Variants in PLD5 observed in about 807,000 individuals in gnomAD.
PLD5 encodes the protein inactive phospholipase D5.
Under a neutral mutation model 61.1 loss-of-function variants are expected in PLD5, and 36 were observed. The ratio of observed to expected loss-of-function variants is 0.59; its 90% CI spans 0.45 to 0.78. The LOEUF is 0.78. Ranked by LOEUF, PLD5 falls within the 30% of genes least tolerant of loss-of-function variation. The pLI, the probability that PLD5 is intolerant of heterozygous loss-of-function variation, is 0.00. For synonymous variants in PLD5, 243 were observed against 242.8 expected (o/e 1.00, Z -0.01); for missense variants, 515 against 644.4 (o/e 0.80, Z 2.17).
chr1:242,255,794 T>C (rs1672980186), intron 4 of PLD5, among the ~76,000 whole-genome samples: 1 of 152,164 alleles, frequency 6.6e-6, no homozygotes, highest in Non-Finnish European at 1.5e-5. Flanking sequence ...AGCAGCTCCC[T>C]GTCCTTTTTA....
In PLD5 at chr1:242,142,910, G is replaced by A. The variant is rs190530815; in HGVS notation, c.736-18245C>T. Among the ~76,000 whole-genome samples, 457 of 151,364 alleles carry A rather than the reference G, an allele frequency of 3.0e-3. 2 individuals are homozygous for A. Among genetic ancestry groups the A allele is most frequent in the African/African-American group, 0.011 (439 of 41,182 alleles). Reference sequence around the variant, plus strand: ...TTGGCTGATTTTTAGTAGAGATGGGGTTTCACCATGTTGGCCAGGCTGCTC... The same window carrying A: ...TTGGCTGATTTTTAGTAGAGATGGGATTTCACCATGTTGGCCAGGCTGCTC... On this transcript the variant is annotated intron_variant, in intron 5 of 9. Coordinates refer to ENST00000536534, the MANE Select transcript of PLD5 (RefSeq NM_001372062.1).
intron 1 of PLD5, among the ~76,000 whole-genome samples, chr1:242,460,930 AG>A (rs1667098394): frequency 1.3e-5 from 2 of 151,976 alleles, no homozygotes; most frequent in African/African-American, 4.8e-5. Flanking sequence ...ACCTGAGGTC[AG>A]GAGTTCCAGA....
chr1:242,307,059 T>C (rs905464208), intron 2 of PLD5, among the ~76,000 whole-genome samples: 4 of 152,226 alleles, frequency 2.6e-5, no homozygotes, highest in African/African-American at 9.6e-5. Context: ...GTGAGAGATT[T>C]GAAAAGTCAC....
At chr1:242,307,857 T>C (rs1333869328) in intron 2 of PLD5, among the ~76,000 whole-genome samples, 4 of 152,134 alleles carry the variant, frequency 2.6e-5, no homozygotes, top group African/African-American at 9.7e-5. Flanking sequence ...CCACATTAAG[T>C]CACCAAATCT....
At chr1:242,389,817 G>A (rs1367947039) in intron 1 of PLD5, among the ~76,000 whole-genome samples, 2 of 152,012 alleles carry the variant, frequency 1.3e-5, no homozygotes, top group Non-Finnish European at 2.9e-5. Context: ...CAAGGAGTCA[G>A]CAAGCATGGA....
At chr1:242,209,302 C>T (rs911570712) in intron 5 of PLD5, 1 of 152,172 alleles carries the variant, frequency 6.6e-6, no homozygotes, top group African/African-American at 2.4e-5. Flanking sequence ...GGACTCCCTG[C>T]AGCCAGGAAT....
intron 8 of PLD5, among the ~76,000 whole-genome samples, chr1:242,103,259 C>T (rs916452678): frequency 8.5e-5 from 13 of 152,172 alleles, no homozygotes; most frequent in African/African-American, 3.1e-4. Flanking sequence ...CACCCTTCCC[C>T]AGCGCACACC....
At chr1:242,374,779 T>C (rs762483000) in intron 1 of PLD5, among the ~76,000 whole-genome samples, 1 of 152,214 alleles carries the variant, frequency 6.6e-6, no homozygotes, top group Non-Finnish European at 1.5e-5. Context: ...TTTTGTCTAA[T>C]TATATTTCTA....
intron 2 of PLD5, among the ~76,000 whole-genome samples, chr1:242,319,673 G>T (rs955606122): frequency 6.6e-6 from 1 of 152,156 alleles, no homozygotes; most frequent in African/African-American, 2.4e-5. Flanking sequence ...TAAATTCATC[G>T]TTAATCTTCT....
At chr1:242,283,051 G>T (rs1464082241) in intron 3 of PLD5, among the ~76,000 whole-genome samples, 1 of 152,166 alleles carries the variant, frequency 6.6e-6, no homozygotes, top group Non-Finnish European at 1.5e-5. Context: ...GTTTTTCAGG[G>T]TGGAAACCCA....
chr1:242,488,180 C>A (rs1468109882), intron 1 of PLD5, among the ~76,000 whole-genome samples: 1 of 152,114 alleles, frequency 6.6e-6, no homozygotes, highest in Non-Finnish European at 1.5e-5. Flanking sequence ...TGAAACTGAA[C>A]ATTCTATTAA....
At chr1:242,440,418 C>T (rs1330046059) in intron 1 of PLD5, among the ~76,000 whole-genome samples, 1 of 151,966 alleles carries the variant, frequency 6.6e-6, no homozygotes, top group African/African-American at 2.4e-5. Context: ...TACACCCCAC[C>T]TAAGTGTAGT....
intron 1 of PLD5, among the ~76,000 whole-genome samples, chr1:242,400,556 G>T (rs1257319988): frequency 1.3e-5 from 2 of 152,084 alleles, no homozygotes; most frequent in Admixed American, 1.3e-4. Flanking sequence ...TATATACCAA[G>T]TCTATTTTGT....
At chr1:242,144,096 T>C (rs1664372735) in intron 5 of PLD5, among the ~76,000 whole-genome samples, 1 of 152,134 alleles carries the variant, frequency 6.6e-6, no homozygotes, top group Non-Finnish European at 1.5e-5. Context: ...TCTTGATTCC[T>C]GGCCTTAAGT....
chr1:242,483,542 C>T (rs1667856268), intron 1 of PLD5, among the ~76,000 whole-genome samples: 1 of 152,148 alleles, frequency 6.6e-6, no homozygotes. Context: ...AATACAGGAG[C>T]ACCCACATTC....
At chr1:242,391,276 G>T (rs770006917) in intron 1 of PLD5, among the ~76,000 whole-genome samples, 1 of 152,142 alleles carries the variant, frequency 6.6e-6, no homozygotes, top group Non-Finnish European at 1.5e-5. Context: ...GAGGGTCTGG[G>T]GCAATGGAGT....
In PLD5 at chr1:242,394,430, ATGAGTATATATGTGTG is replaced by A. The variant is rs1229005443; in HGVS notation, c.190-46204_190-46189del. Reference sequence around the variant, plus strand: ...TATATATGAGTATATATGTGTGTATATGAGTATATATGTGTGTATATGAGTATATATGTGAACATAT... The same window carrying A: ...TATATATGAGTATATATGTGTGTATATATATGAGTATATATGTGAACATAT... On this transcript the variant is annotated intron_variant, in intron 1 of 9. Transcript: ENST00000536534. Among the ~76,000 whole-genome samples, 8 of 108,830 alleles carry A rather than the reference ATGAGTATATATGTGTG, an allele frequency of 7.4e-5. 2 individuals are homozygous for A. Among genetic ancestry groups the A allele is most frequent in the African/African-American group, 3.1e-4 (8 of 26,200 alleles). 71.4% of individuals were successfully genotyped at this position (108,830 alleles called of 152,430 possible).
At chr1:242,215,505 C>T (rs1670126979) in intron 5 of PLD5, among the ~76,000 whole-genome samples, 1 of 152,120 alleles carries the variant, frequency 6.6e-6, no homozygotes, top group African/African-American at 2.4e-5. Context: ...ATGCACTTTG[C>T]TAAAACCTCT....
intron 5 of PLD5, among the ~76,000 whole-genome samples, chr1:242,213,643 T>C (rs565803754): frequency 2.0e-5 from 3 of 151,956 alleles, no homozygotes; most frequent in South Asian, 4.2e-4. Flanking sequence ...GCAAAACCTG[T>C]TGTCTATCTT....
Sources: gnomAD v4.1 joint callset for allele counts (sites outside exome capture counted in the v4.1 genomes callset) on GRCh38, gnomAD v4.1.1 for gene constraint, MANE v1.5 for transcripts, NCBI Gene and HGNC (gene_info 2026-07-23, HGNC 2026-07-21) for gene names.